Variants in GIGYF2 observed in about 807,000 individuals in gnomAD.
The protein encoded by GIGYF2 is GRB10 interacting GYF protein 2.
In GIGYF2, 25 loss-of-function variants were observed where a neutral mutation model predicts 208.1. That is an observed-to-expected ratio of 0.12 (90% CI 0.09 to 0.17). GIGYF2 has a LOEUF of 0.17. GIGYF2 is among the 10% of genes least tolerant of loss of function. The pLI, the probability that GIGYF2 is intolerant of heterozygous loss-of-function variation, is 1.00. For missense variants in GIGYF2, 1,302 were observed against 1,579.4 expected, an observed-to-expected ratio of 0.82 and a Z score of 2.98; for synonymous variants, 534 against 543.8, an observed-to-expected ratio of 0.98 and a Z score of 0.25.
chr2:232,855,773 C>CAACCCTCCATGGT (rs1410715095), intron 28 of GIGYF2, among the ~76,000 whole-genome samples: 3 of 152,094 alleles, frequency 2.0e-5, no homozygotes, highest in African/African-American at 7.2e-5. Flanking sequence ...TTAGTGTATA[C>CAACCCTCCATGGT]AACCCTCCAT....
rs1701917287 is a variant in GIGYF2, at chr2:232,844,128, A to G, written c.2972A>G (p.Asn991Ser). The change falls in exon 24 of 29, where the codon AAT becomes AGT. Residue 991 changes from asparagine (N) to serine (S), a missense_variant. Asn to Ser is a conservative substitution (Grantham distance 46). Around this residue, in one of 8 missense-constraint regions of GIGYF2, gnomAD observed 701 missense variants for 793.0 expected, o/e 0.88. Transcript: ENST00000373563. ...QQQQKLSGWG[N>S]VSKPSGTTKS... is the part of the protein sequence containing the mutation. ...CAGCAGAAACTCTCAGGTTGGGGGA[A>G]TGTCAGCAAACCTTCAGGTACCACG... 3.8e-6 allele frequency: 6 copies of G among 1,591,568 alleles called. No individual in the cohort carries two copies. Among genetic ancestry groups the G allele is most frequent in the African/African-American group, 1.3e-5 (1 of 74,384 alleles).
intron 2 of GIGYF2, chr2:232,722,611 G>A (rs1696997041): frequency 2.0e-5 from 3 of 152,206 alleles, no homozygotes. Flanking sequence ...ACAGAACAAG[G>A]ATGTTGTTGG....
intron 18 of GIGYF2, among the ~76,000 whole-genome samples, chr2:232,814,737 G>A (rs555109808): frequency 1.3e-5 from 2 of 152,176 alleles, no homozygotes; most frequent in South Asian, 4.1e-4. Flanking sequence ...CAAGCATTTT[G>A]GATAATGGAT....
At chr2:232,762,013 A>G (rs767159869) in intron 8 of GIGYF2, among the ~76,000 whole-genome samples, 1 of 151,708 alleles carries the variant, frequency 6.6e-6, no homozygotes, top group Non-Finnish European at 1.5e-5. Context: ...TACATAATTT[A>G]TATTTAAAGA....
At chr2:232,765,080 A>G (rs1698901842) in intron 8 of GIGYF2, among the ~76,000 whole-genome samples, 1 of 152,238 alleles carries the variant, frequency 6.6e-6, no homozygotes, top group African/African-American at 2.4e-5. Context: ...TAATTTCCAC[A>G]TACATACATA....
chr2:232,775,672 C>T (rs892498160), intron 8 of GIGYF2, among the ~76,000 whole-genome samples: 1 of 152,240 alleles, frequency 6.6e-6, no homozygotes, highest in African/African-American at 2.4e-5. Context: ...CTTCACTGAT[C>T]ATCAGAATTC....
chr2:232,733,482 G>C (rs1697597415), intron 2 of GIGYF2, among the ~76,000 whole-genome samples: 1 of 152,132 alleles, frequency 6.6e-6, no homozygotes, highest in Non-Finnish European at 1.5e-5. Flanking sequence ...TTACTTTGCT[G>C]TTTCTAAGCT....
At chr2:232,837,557 C>T (rs989582797) in intron 22 of GIGYF2, among the ~76,000 whole-genome samples, 4 of 152,060 alleles carry the variant, frequency 2.6e-5, no homozygotes, top group African/African-American at 7.2e-5. Flanking sequence ...TGAGTTCAAG[C>T]GATCCTCCTG....
chr2:232,743,132 C>T lies in GIGYF2; in HGVS notation c.42-4483C>T, dbSNP rs538047587. On this transcript the variant is annotated intron_variant, in intron 3 of 28. Coordinates refer to ENST00000373563, the MANE Select transcript of GIGYF2 (RefSeq NM_001103146.3). ...GGGGCCTGCTGCTGCCACTTATTTACTACCCATGGTAGAATTGGCAGTGTT... is the reference window on the plus strand; with the variant it reads ...GGGGCCTGCTGCTGCCACTTATTTATTACCCATGGTAGAATTGGCAGTGTT... Among the ~76,000 whole-genome samples, 3 of 152,268 alleles carry T rather than the reference C, an allele frequency of 2.0e-5. No homozygotes were observed. The East Asian group carries it at 5.8e-4, about 29-fold the overall frequency.
intron 22 of GIGYF2, among the ~76,000 whole-genome samples, chr2:232,837,311 T>C (rs1343602801): frequency 3.3e-4 from 50 of 152,226 alleles, no homozygotes; most frequent in Admixed American, 3.3e-3. Flanking sequence ...GAGTGGAGTT[T>C]CTGTCTCATT....
intron 2 of GIGYF2, among the ~76,000 whole-genome samples, chr2:232,704,890 C>T (rs184122120): frequency 0.1 from 11,409 of 111,984 alleles, 658 homozygotes; most frequent in South Asian, 0.3. Context: ...GACAGAGTCT[C>T]GCTCTTTCGC....
At chr2:232,836,498 A>G (rs2106414616) in intron 22 of GIGYF2, among the ~76,000 whole-genome samples, 1 of 140,826 alleles carries the variant, frequency 7.1e-6, no homozygotes, top group Admixed American at 7.4e-5. Flanking sequence ...CCTGGGAGAC[A>G]GAGGTTATAG....
chr2:232,830,988 T>C (rs1163094398), intron 21 of GIGYF2, among the ~76,000 whole-genome samples: 2 of 152,184 alleles, frequency 1.3e-5, no homozygotes, highest in Non-Finnish European at 2.9e-5. Context: ...TACCCCTTGA[T>C]TGGAATTTAT....
intron 8 of GIGYF2, among the ~76,000 whole-genome samples, chr2:232,761,836 G>C (rs1214126434): frequency 6.7e-6 from 1 of 148,294 alleles, no homozygotes; most frequent in East Asian, 2.0e-4. Flanking sequence ...TGGCCTTTTT[G>C]CTGTATAGTC....
chr2:232,840,520 CG>C (rs1701782857), intron 23 of GIGYF2, among the ~76,000 whole-genome samples: 1 of 112,708 alleles, frequency 8.9e-6, no homozygotes, highest in African/African-American at 3.2e-5. Context: ...GTATGCCATT[CG>C]GTGCTCATTC....
rs909422604 is a variant in GIGYF2 at position 232,806,959 on chromosome 2, C to T, written c.1806+302C>T. Among the ~76,000 whole-genome samples, 4 of 152,174 alleles carry T rather than the reference C, an allele frequency of 2.6e-5. No individual in the cohort carries two copies. The highest frequency in any genetic ancestry group is 5.9e-5 in the Non-Finnish European group (4 of 68,020). On this transcript the variant is annotated intron_variant, in intron 15 of 28. Coordinates refer to ENST00000373563, the MANE Select transcript of GIGYF2 (RefSeq NM_001103146.3). This position sits in a 1 kb window ranked among gnomAD's most constrained non-coding sequence, Gnocchi z 4.0. The stretch of plus-strand genomic sequence containing the variant: ...CCAACATCTTATCCTGGCCTACCTA[C>T]GAGGTCCTGCAATGCCTGGCACCTT...
chr2:232,759,733 A>G lies in GIGYF2; in HGVS notation c.380-747A>G, dbSNP rs113967844. On this transcript the variant is annotated intron_variant, in intron 6 of 28. Coordinates refer to ENST00000373563, the MANE Select transcript of GIGYF2 (RefSeq NM_001103146.3). Reference sequence around the variant, plus strand: ...TATATATTTGCATTTTTGTACAACTATTTCTATTAGGATAAATCCTAAGTA... The same window carrying G: ...TATATATTTGCATTTTTGTACAACTGTTTCTATTAGGATAAATCCTAAGTA... Among the ~76,000 whole-genome samples, 79 of 151,930 alleles carry G rather than the reference A, an allele frequency of 5.2e-4. 1 individual carries two copies. The highest frequency in any genetic ancestry group is 1.5e-3 in the African/African-American group (62 of 41,426).
chr2:232,811,036 C>T (rs888587846), intron 16 of GIGYF2: 42 of 517,256 alleles, frequency 8.1e-5, no homozygotes, highest in Non-Finnish European at 1.2e-4. Flanking sequence ...CTCGGAAACA[C>T]GCCATCTATG....
chr2:232,761,356 A>G (rs1201830429), intron 7 of GIGYF2, 40 bp from the exon 8 acceptor site: 3 of 1,379,756 alleles, frequency 2.2e-6, no homozygotes, highest in Admixed American at 1.7e-5. Context: ...AATCTATATC[A>G]CTGTGAGACT....
Sources: allele counts gnomAD v4.1 joint callset (sites outside exome capture counted in the v4.1 genomes callset), GRCh38; gene constraint gnomAD v4.1.1; regional missense constraint gnomAD v4.1.1; non-coding constraint Gnocchi (gnomAD v3.1); transcripts MANE v1.5; gene names NCBI Gene and HGNC (gene_info 2026-07-23, HGNC 2026-07-21).